Variants in DCUN1D2 observed in about 807,000 individuals in gnomAD.
DCUN1D2 encodes the protein DCN1-like protein 2.
A neutral mutation model predicts 30.9 loss-of-function variants in DCUN1D2; 29 were observed. The ratio of observed to expected loss-of-function variants is 0.94; its 90% CI spans 0.70 to 1.28. The LOEUF is 1.28. Ranked by LOEUF, DCUN1D2 falls within the 50% of genes most tolerant of loss-of-function variation. The pLI is 0.00. For missense variants in DCUN1D2, 325 were observed against 316.9 expected, an observed-to-expected ratio of 1.03 and a Z score of -0.19; for synonymous variants, 121 against 115.3, an observed-to-expected ratio of 1.05 and a Z score of -0.32.
chr13:113,476,572 T>G (rs2044621526), intron 3 of DCUN1D2, among the ~76,000 whole-genome samples: 1 of 152,230 alleles, frequency 6.6e-6, no homozygotes, highest in Non-Finnish European at 1.5e-5. Flanking sequence ...TTGCCAGGAA[T>G]TTTTAAAGAA....
At position 113,456,879 on chromosome 13, in the gene DCUN1D2, G is replaced by GTATA. The variant is rs1436486306; in HGVS notation, c.*1149_*1150insTATA. The stretch of plus-strand genomic sequence containing the variant: ...ACCAGCTCATTCGGTTTTATTGTAT[G>GTATA]TATGTATGTATTTATTTTGAGACAG... On this transcript the variant is annotated 3_prime_UTR_variant, in exon 7 of 7. Coordinates refer to ENST00000478244, the MANE Select transcript of DCUN1D2 (RefSeq NM_001014283.2). 2 of 145,156 alleles carry GTATA rather than the reference G, an allele frequency of 1.4e-5. No individual in the cohort carries two copies. The highest frequency in any genetic ancestry group is 2.7e-5 in the African/African-American group (1 of 36,748). The allele number at this position is 145,156 out of a possible 1,614,324, so 9.0% of individuals were successfully genotyped here.
intron 3 of DCUN1D2, among the ~76,000 whole-genome samples, chr13:113,474,501 C>G (rs560915085): frequency 6.6e-6 from 1 of 152,272 alleles, no homozygotes. Context: ...CCGCCCAGCT[C>G]TGGGAATATA....
intron 4 of DCUN1D2, among the ~76,000 whole-genome samples, chr13:113,463,479 G>A (rs1349950488): frequency 6.6e-6 from 1 of 151,660 alleles, no homozygotes; most frequent in Non-Finnish European, 1.5e-5. Context: ...ATCACTTGAA[G>A]TCAAGAGTTT....
intron 5 of DCUN1D2, among the ~76,000 whole-genome samples, chr13:113,460,758 C>T (rs1027646971): frequency 2.0e-5 from 3 of 152,194 alleles, no homozygotes; most frequent in Admixed American, 6.5e-5. Context: ...GGAGACAACA[C>T]GGGGGCTGCT....
chr13:113,478,498 A>G lies in DCUN1D2; in HGVS notation c.389+2077T>C, dbSNP rs59673051. On this transcript the variant is annotated intron_variant, in intron 3 of 6. Transcript: ENST00000478244. ...CTTTTCTATTTAATTATTCTTGTAA[A>G]TTAGTGCTTCTTTAAAAATATTAAT... Among the ~76,000 whole-genome samples the G allele has an allele frequency of 4.8e-3, 726 of 152,232 alleles. 34 individuals are homozygous for G. The East Asian group carries it at 0.12, about 24-fold the overall frequency.
At chr13:113,471,200 C>T (rs1488740831) in intron 4 of DCUN1D2, among the ~76,000 whole-genome samples, 5 of 151,210 alleles carry the variant, frequency 3.3e-5, no homozygotes, top group Non-Finnish European at 7.4e-5. Flanking sequence ...GGGGACCCAA[C>T]TCCACAGAAG....
At chr13:113,469,147 C>CACAT (rs2044461016) in intron 4 of DCUN1D2, among the ~76,000 whole-genome samples, 1 of 103,526 alleles carries the variant, frequency 9.7e-6, no homozygotes, top group South Asian at 2.7e-4. Context: ...CACGCCTGCA[C>CACAT]ACACACACAC....
At chr13:113,486,686 T>C (rs1294747335) in intron 1 of DCUN1D2, among the ~76,000 whole-genome samples, 1 of 152,162 alleles carries the variant, frequency 6.6e-6, no homozygotes. Flanking sequence ...AAAACATATA[T>C]GGCCCTCACA....
chr13:113,474,029 A>G, intron 4 of DCUN1D2, 95 bp downstream of exon 4: 2 of 1,499,856 alleles, frequency 1.3e-6, no homozygotes, highest in Non-Finnish European at 1.8e-6. Context: ...AAAACCCAAA[A>G]ACATTACAGT....
At chr13:113,481,274 G>T (rs948515755) in intron 2 of DCUN1D2, among the ~76,000 whole-genome samples, 1 of 152,100 alleles carries the variant, frequency 6.6e-6, no homozygotes, top group African/African-American at 2.4e-5. Flanking sequence ...TAATAGCTTA[G>T]AAATTCAGGT....
Position 113,459,404 on chromosome 13 carries a change from T to C in DCUN1D2, c.608A>G (p.His203Arg), listed in dbSNP as rs1188590933. The C allele has an allele frequency of 6.5e-7, 1 of 1,531,234 alleles. No individual in the cohort carries two copies. The highest frequency in any genetic ancestry group is 1.7e-5 in the Admixed American group (1 of 59,658). The allele number at this position is 1,531,234 out of a possible 1,614,324, so 94.9% of individuals were successfully genotyped here. A position where few individuals can be genotyped will look rare whatever the true frequency, so the allele number is the denominator to read the frequency against. Residue 203 changes from histidine (H) to arginine (R), a missense_variant, in exon 6 of 7, where the codon CAT (histidine) becomes CGT (arginine). Physicochemically the swap from His to Arg is conservative, Grantham distance 29. Transcript: ENST00000478244. Reference sequence around the variant, plus strand: ...GTCCCTTGGAATTGATCTTTTGTGATGTTCCTAATATATGAGAGAAAAAAA... The same window carrying C: ...GTCCCTTGGAATTGATCTTTTGTGACGTTCCTAATATATGAGAGAAAAAAA... ...LDLWNTFLME[H>R]HKRSIPRDTW...
Position 113,459,288 on chromosome 13 carries a change from C to T in DCUN1D2, c.700+24G>A, listed in dbSNP as rs773434754. ...CTCAGGTGTAAGCATTTCGGTCAAT[C>T]ATCTGAAGCACAACTTCCGGTACCT... On this transcript the variant is annotated intron_variant, in intron 6 of 6. Transcript: ENST00000478244. 2.0e-5 allele frequency: 27 copies of T among 1,317,806 alleles called. 1 individual carries two copies. The South Asian group carries it at 2.8e-4, about 14-fold the overall frequency. 81.6% of individuals were successfully genotyped at this position (1,317,806 alleles called of 1,614,324 possible).
rs1189239861 is a variant in DCUN1D2 at position 113,490,221 on chromosome 13, G to C, written c.3+446C>G. Among the ~76,000 whole-genome samples, 1 of 152,088 alleles carries C rather than the reference G, an allele frequency of 6.6e-6. No homozygotes were observed. The highest frequency in any genetic ancestry group is 1.5e-5 in the Non-Finnish European group (1 of 68,016). ...CTCCCGGCAGCAGGGCCTCCCCCGC[G>C]AATCTGAGCTTCTCGCGGATTCCTT... On this transcript the variant is annotated intron_variant, in intron 1 of 6. Coordinates refer to ENST00000478244, the MANE Select transcript of DCUN1D2 (RefSeq NM_001014283.2). The surrounding 1 kb of genome is among the most constrained non-coding windows in gnomAD (Gnocchi z 5.2).
chr13:113,491,235 G>A (rs752028801), upstream of DCUN1D2: 1 of 152,316 alleles, frequency 6.6e-6, no homozygotes. Flanking sequence ...GAACGGTGAT[G>A]CTCGGGCCGG....
chr13:113,459,892 TCG>T (rs1798214192), intron 5 of DCUN1D2, among the ~76,000 whole-genome samples: 1 of 152,200 alleles, frequency 6.6e-6, no homozygotes, highest in African/African-American at 2.4e-5. Flanking sequence ...CCGTGCTCCA[TCG>T]CACCAATATT....
chr13:113,460,696 G>A (rs1296319017), intron 5 of DCUN1D2, among the ~76,000 whole-genome samples: 2 of 152,238 alleles, frequency 1.3e-5, no homozygotes, highest in Middle Eastern at 3.2e-3. Context: ...GCACCATGTC[G>A]AGGATTCGGA....
intron 2 of DCUN1D2, 113 bp from the exon 3 acceptor site, chr13:113,480,856 T>G (rs1272799354): frequency 1.9e-6 from 2 of 1,027,702 alleles, no homozygotes; most frequent in Non-Finnish European, 2.8e-6. Context: ...CAAGCGTGTT[T>G]CCAATACATC....
At chr13:113,489,452 C>T (rs188108451) in intron 1 of DCUN1D2, among the ~76,000 whole-genome samples, 378 of 152,322 alleles carry the variant, frequency 2.5e-3, no homozygotes, top group African/African-American at 8.5e-3. Flanking sequence ...TTCAGCTGCT[C>T]TTTTGTTCAG....
rs1281568727 is a variant in DCUN1D2, at chr13:113,483,971, A to C, written c.89T>G (p.Leu30Ter). ...GTCTAGTCTCCACTCATTCTGCGTT[A>C]AGCAGTAGATAGCAGTTCTCTCGCC... ...QAGERTAIYC[L>*]TQNEWRLDEA... The change falls in exon 2 of 7, where the codon TTA (leucine) becomes TGA (stop). Residue 30 changes from leucine to a stop codon, truncating the protein, a stop_gained. Transcript: ENST00000478244. LOFTEE classifies it high-confidence loss of function. 1 of 1,614,226 alleles carries C rather than the reference A, an allele frequency of 6.2e-7. No individual in the cohort carries two copies. The highest frequency in any genetic ancestry group is 1.7e-5 in the Admixed American group (1 of 60,034).
Sources: allele counts gnomAD v4.1 joint callset (sites outside exome capture counted in the v4.1 genomes callset), GRCh38; gene constraint gnomAD v4.1.1; non-coding constraint Gnocchi (gnomAD v3.1); transcripts MANE v1.5; gene names NCBI Gene and HGNC (gene_info 2026-07-23, HGNC 2026-07-21).